NSUN4: variants seen among roughly 807,000 people sequenced by gnomAD.
NSUN4 encodes 5-cytosine rRNA methyltransferase NSUN4.
NSUN4 carries 31 observed loss-of-function variants against 43.8 expected under a neutral mutation model. That is an observed-to-expected ratio of 0.71 (90% CI 0.53 to 0.96). The LOEUF (loss-of-function observed/expected upper bound fraction) is 0.96. NSUN4 is among the 40% of genes least tolerant of loss of function. The probability of loss-of-function intolerance (pLI) is 0.00; values close to 1 mark genes in which losing one functional copy is unlikely to be tolerated. For synonymous variants in NSUN4, 167 were observed against 184.1 expected (o/e 0.91, Z 0.75); for missense variants, 439 against 475.6 (o/e 0.92, Z 0.72).
intron 4 of NSUN4, among the ~76,000 whole-genome samples, chr1:46,360,248 AAATATAT>A (rs1485325152): frequency 1.3e-4 from 3 of 22,398 alleles, no homozygotes; most frequent in African/African-American, 3.7e-4. Context: ...AAAAAAAAAA[AAATATAT>A]ATATATATAT....
intron 4 of NSUN4, among the ~76,000 whole-genome samples, chr1:46,358,559 A>G (rs1663568816): frequency 6.7e-6 from 1 of 149,070 alleles, no homozygotes; most frequent in Non-Finnish European, 1.5e-5. Context: ...GTGCCACCAC[A>G]CCCAGCTAAT....
intron 1 of NSUN4, chr1:46,341,724 C>T (rs1662121207): frequency 1.6e-6 from 2 of 1,231,290 alleles, no homozygotes; most frequent in Non-Finnish European, 1.0e-6. Context: ...GACCTACTGC[C>T]GCTAGCCCTG....
rs41294482 is a variant in NSUN4, at chr1:46,362,438, C to A, written c.*592C>A. ...TGCTTACCTACTCACATTGGAAAAA[C>A]CCTCTGAGCTGAATAATTCTGGCCA... On this transcript the variant is annotated 3_prime_UTR_variant, in exon 6 of 6. Transcript: ENST00000474844. 0.08 allele frequency: 12,195 copies of A among 152,770 alleles called. 660 individuals carry two copies. The highest frequency in any genetic ancestry group is 0.16 in the South Asian group (765 of 4,826). The allele number at this position is 152,770 out of a possible 1,614,324, so 9.5% of individuals were successfully genotyped here. A position where few individuals can be genotyped will look rare whatever the true frequency, so the allele number is the denominator to read the frequency against.
chr1:46,370,167 G>A, the NSUN4 span, among the ~76,000 whole-genome samples: 5 of 152,144 alleles, frequency 3.3e-5, no homozygotes, highest in African/African-American at 9.7e-5. Context: ...GGAGTATTTC[G>A]CCAGGAGAAA....
At chr1:46,367,440 T>C (rs1388680527), downstream of NSUN4, among the ~76,000 whole-genome samples, 4 of 152,252 alleles carry the variant, frequency 2.6e-5, no homozygotes, top group African/African-American at 9.6e-5. Flanking sequence ...TATAAAACTT[T>C]GAAAGAGTTA....
chr1:46,341,160 C>T, intron 1 of NSUN4: 1 of 1,298,322 alleles, frequency 7.7e-7, no homozygotes, highest in Non-Finnish European at 9.8e-7. Flanking sequence ...GCGTCATCAC[C>T]TTCGCCTTCA....
chr1:46,375,238 C>T, the NSUN4 span, among the ~76,000 whole-genome samples: 4,189 of 151,814 alleles, frequency 0.028, 82 homozygotes, highest in Middle Eastern at 0.051. Context: ...GAGTTTGAGA[C>T]CAGCCTGACC....
At chr1:46,352,158 A>AAAAAG (rs1663042889) in intron 3 of NSUN4, among the ~76,000 whole-genome samples, 1 of 151,212 alleles carries the variant, frequency 6.6e-6, no homozygotes, top group South Asian at 2.1e-4. Flanking sequence ...AAAAAAAAAA[A>AAAAAG]AAAAGAATGT....
chr1:46,346,218 C>T (rs1662483396), intron 2 of NSUN4, among the ~76,000 whole-genome samples: 1 of 150,686 alleles, frequency 6.6e-6, no homozygotes, highest in South Asian at 2.1e-4. Context: ...AACAAGCCCT[C>T]ATAGAGCTTC....
In NSUN4 at chr1:46,361,889, G is replaced by C. The variant is rs1218868660; in HGVS notation, c.*43G>C. On this transcript the variant is annotated 3_prime_UTR_variant, in exon 6 of 6. Coordinates refer to ENST00000474844, the MANE Select transcript of NSUN4 (RefSeq NM_199044.4). ...AGCAAGAATACAAAGGGTATACTCT[G>C]TTGGATGCACCAGAAACTGGAAACT... is the stretch of plus-strand genomic sequence containing the variant. 6.5e-7 allele frequency: 1 copy of C among 1,548,706 alleles called. No homozygotes were observed. Among genetic ancestry groups the C allele is most frequent in the Non-Finnish European group, 8.8e-7 (1 of 1,140,440 alleles).
chr1:46,384,835 G>A, the NSUN4 span, among the ~76,000 whole-genome samples: 1 of 152,088 alleles, frequency 6.6e-6, no homozygotes, highest in Non-Finnish European at 1.5e-5. Context: ...CCTTTGACGA[G>A]AACATGATCC....
Position 46,340,917 on chromosome 1 carries a change from TG to T in NSUN4, c.93+1del, listed in dbSNP as rs776632503. 120 of 1,612,076 alleles carry T rather than the reference TG, an allele frequency of 7.4e-5. No individual in the cohort carries two copies. The highest frequency in any genetic ancestry group is 1.2e-5 in the Non-Finnish European group (14 of 1,179,008). On this transcript the variant is annotated frameshift_variant and splice_region_variant, in exon 1 of 6. Coordinates refer to ENST00000474844, the MANE Select transcript of NSUN4 (RefSeq NM_199044.4). LOFTEE classifies it high-confidence loss of function. ...VPRRHRYKKK[W>X]AATEPKFPAV... The stretch of plus-strand genomic sequence containing the variant: ...GCGGAGACATCGATATAAGAAGAAA[TG>T]GGTAAGGTCCGGCTGGGGGCGCAGG...
At chr1:46,382,606 C>CT in the NSUN4 span, among the ~76,000 whole-genome samples, 684 of 142,324 alleles carry the variant, frequency 4.8e-3, 5 homozygotes, top group Middle Eastern at 0.015. Context: ...AAAAATGCTT[C>CT]TTTTTTTTTT....
At chr1:46,351,460 A>T (rs925892328) in intron 3 of NSUN4, among the ~76,000 whole-genome samples, 1 of 152,156 alleles carries the variant, frequency 6.6e-6, no homozygotes, top group African/African-American at 2.4e-5. Flanking sequence ...TGGCTAAATA[A>T]ACTGTAGTAT....
chr1:46,345,293 T>C (rs923480036), intron 2 of NSUN4, 149 bp downstream of exon 2: 4 of 599,328 alleles, frequency 6.7e-6, no homozygotes, highest in African/African-American at 5.6e-5. Context: ...TTTGAGGTGC[T>C]GTACATATGT....
At chr1:46,355,969 G>A (rs576498368) in intron 4 of NSUN4, among the ~76,000 whole-genome samples, 65 of 151,812 alleles carry the variant, frequency 4.3e-4, no homozygotes, top group Non-Finnish European at 7.1e-4. Context: ...AGCTGAGATC[G>A]CGCCATTGCA....
chr1:46,367,234 A>G (rs143609658), downstream of NSUN4, among the ~76,000 whole-genome samples: 127 of 152,102 alleles, frequency 8.3e-4, no homozygotes, highest in African/African-American at 2.2e-3. Context: ...TTCATCTCCA[A>G]ACTTAACACC....
rs540071496 is a variant in NSUN4 at position 46,359,967 on chromosome 1, T to C, written c.754-737T>C. 3.3e-5 allele frequency among the ~76,000 whole-genome samples: 5 copies of C among 151,616 alleles called. No homozygotes were observed. The East Asian group carries it at 5.8e-4, about 18-fold the overall frequency. On this transcript the variant is annotated intron_variant, in intron 4 of 5. Transcript: ENST00000474844. ...AAATTAGGCCGGGCATGGTGGCTCA[T>C]GCCTGTAATCCTAGCATTTCAGGAG... is the stretch of plus-strand genomic sequence containing the variant.
chr1:46,341,076 T>C (rs1357311596), intron 1 of NSUN4, 157 bp downstream of exon 1: 4 of 1,162,180 alleles, frequency 3.4e-6, no homozygotes, highest in Non-Finnish European at 3.5e-6. Context: ...TCACCGCCTC[T>C]GTCCGCACTC....
Sources: gnomAD v4.1 joint callset for allele counts (sites outside exome capture counted in the v4.1 genomes callset) on GRCh38, gnomAD v4.1.1 for gene constraint, MANE v1.5 for transcripts, NCBI Gene and HGNC (gene_info 2026-07-23, HGNC 2026-07-21) for gene names.